The following KHK variants were observed in gnomAD, a reference collection of about 807,000 sequenced individuals.
KHK encodes fructokinase.
A neutral mutation model predicts 36.0 loss-of-function variants in KHK; 37 were observed. The ratio of observed to expected loss-of-function variants is 1.03; its 90% CI spans 0.79 to 1.35. The LOEUF is 1.35. Ranked by LOEUF, KHK falls within the 40% of genes most tolerant of loss-of-function variation. The pLI is 0.00. For synonymous variants in KHK, 161 were observed against 162.8 expected, an observed-to-expected ratio of 0.99 and a Z score of 0.08; for missense variants, 395 against 391.9, an observed-to-expected ratio of 1.01 and a Z score of -0.07.
chr2:27,087,506 C>T (rs1279856741), intron 1 of KHK, among the ~76,000 whole-genome samples, 155 bp downstream of exon 1: 1 of 152,236 alleles, frequency 6.6e-6, no homozygotes, highest in African/African-American at 2.4e-5. Flanking sequence ...TGGGGGGGCT[C>T]CCAGCATGAC....
intron 5 of KHK, among the ~76,000 whole-genome samples, chr2:27,098,353 C>G (rs1040389741): frequency 1.3e-5 from 2 of 151,734 alleles, no homozygotes; most frequent in Non-Finnish European, 2.9e-5. Flanking sequence ...AGACCCCTGT[C>G]TCTATGAAAA....
In KHK at chr2:27,100,447, T is replaced by C. The variant is rs1317919421; in HGVS notation, c.*697T>C. 1.5e-6 allele frequency: 2 copies of C among 1,291,016 alleles called. No homozygotes were observed. The highest frequency in any genetic ancestry group is 2.3e-5 in the Admixed American group (1 of 43,564). 80.0% of individuals were successfully genotyped at this position (1,291,016 alleles called of 1,614,324 possible). A position where few individuals can be genotyped will look rare whatever the true frequency, so the allele number is the denominator to read the frequency against. On this transcript the variant is annotated 3_prime_UTR_variant, in exon 8 of 8. Coordinates refer to ENST00000260598, the MANE Select transcript of KHK (RefSeq NM_006488.3). Reference sequence around the variant, plus strand: ...ATTAAGGGCGTGCCTCAGCCACAAATGTGACCCAGGATACAGAGTGTTGCT... The same window carrying C: ...ATTAAGGGCGTGCCTCAGCCACAAACGTGACCCAGGATACAGAGTGTTGCT...
chr2:27,096,559 T>C (rs1670365480), intron 3 of KHK, among the ~76,000 whole-genome samples, 170 bp from the exon 4 acceptor site: 2 of 152,156 alleles, frequency 1.3e-5, no homozygotes, highest in Admixed American at 6.5e-5. Flanking sequence ...CAGCAGACTG[T>C]AACAGGGACA....
chr2:27,095,650 T>G (rs1397114187), intron 3 of KHK, among the ~76,000 whole-genome samples: 1 of 152,202 alleles, frequency 6.6e-6, no homozygotes, highest in Non-Finnish European at 1.5e-5. Flanking sequence ...TTTAGAGGTT[T>G]AGTGTACTAA....
intron 1 of KHK, among the ~76,000 whole-genome samples, chr2:27,087,779 C>T (rs1669749702): frequency 1.3e-5 from 2 of 152,340 alleles, no homozygotes; most frequent in South Asian, 2.1e-4. Flanking sequence ...ATCCACATAT[C>T]TCGCACCTAT....
chr2:27,097,962 G>T lies in KHK; in HGVS notation c.564+313G>T, dbSNP rs576344830. ...TGTGTGGAAGCATCTCCTCTCTGGG[G>T]CTCCCCAGTCTTTTCCTCTGCAGAA... On this transcript the variant is annotated intron_variant, in intron 5 of 7. Transcript: ENST00000260598. Among the ~76,000 whole-genome samples, 328 of 152,248 alleles carry T rather than the reference G, an allele frequency of 2.2e-3. 1 individual carries two copies. In the South Asian group the frequency reaches 0.025, roughly 12 times the overall value.
intron 1 of KHK, among the ~76,000 whole-genome samples, chr2:27,089,593 G>C (rs1170784810): frequency 6.6e-6 from 1 of 152,206 alleles, no homozygotes; most frequent in Admixed American, 6.5e-5. Context: ...CACTGAGCGA[G>C]GCACTTCTCT....
Position 27,099,871 on chromosome 2 carries a change from A to G in KHK, c.*121A>G. 6.5e-7 allele frequency: 1 copy of G among 1,550,190 alleles called. No individual in the cohort carries two copies. Among genetic ancestry groups the G allele is most frequent in the South Asian group, 1.2e-5 (1 of 84,134 alleles). ...CAGGGGACAGATGCAAGCTGTGGGG[A>G]GGACTCTGCCTGTGTCCTGTGTTCC... On this transcript the variant is annotated 3_prime_UTR_variant, in exon 8 of 8. Transcript: ENST00000260598.
At chr2:27,094,644 T>C (rs1670223223) in intron 2 of KHK, 156 bp from the exon 3 acceptor site, 1 of 1,613,972 alleles carries the variant, frequency 6.2e-7, no homozygotes, top group South Asian at 1.1e-5. Flanking sequence ...TGCCAGCTGC[T>C]GCCGCCGCCA....
chr2:27,094,787 C>T lies in KHK; in HGVS notation c.210-13C>T. On this transcript the variant is annotated splice_polypyrimidine_tract_variant and intron_variant, in intron 2 of 7. Coordinates refer to ENST00000260598, the MANE Select transcript of KHK (RefSeq NM_006488.3). ...TCTCCTTGCCCTTTTCCTGGCCCGGCCTCCACCCTAAGCTTCCTGGTGGCC... is the reference window on the plus strand; with the variant it reads ...TCTCCTTGCCCTTTTCCTGGCCCGGTCTCCACCCTAAGCTTCCTGGTGGCC... The T allele has an allele frequency of 6.2e-7, 1 of 1,614,052 alleles. No homozygotes were observed. Among genetic ancestry groups the T allele is most frequent in the Non-Finnish European group, 8.5e-7 (1 of 1,180,036 alleles).
At chr2:27,091,609 T>G (rs1328576842) in intron 1 of KHK, among the ~76,000 whole-genome samples, 1 of 152,180 alleles carries the variant, frequency 6.6e-6, no homozygotes, top group African/African-American at 2.4e-5. Context: ...GGTAATAACA[T>G]TCATTAATGA....
At chr2:27,089,039 C>G (rs1572855979) in intron 1 of KHK, among the ~76,000 whole-genome samples, 1 of 152,292 alleles carries the variant, frequency 6.6e-6, no homozygotes, top group Non-Finnish European at 1.5e-5. Context: ...CTCCCAGCAG[C>G]CCATGGGAAC....
chr2:27,090,333 C>T (rs1669911290), intron 1 of KHK, among the ~76,000 whole-genome samples: 1 of 152,104 alleles, frequency 6.6e-6, no homozygotes, highest in African/African-American at 2.4e-5. Flanking sequence ...TCAGCTTTGT[C>T]CTTAACTATT....
At chr2:27,097,835 C>T (rs75156909) in intron 5 of KHK, among the ~76,000 whole-genome samples, 186 bp downstream of exon 5, 5,552 of 152,282 alleles carry the variant, frequency 0.036, 333 homozygotes, top group African/African-American at 0.13. Flanking sequence ...GTGCAGGCCT[C>T]AGCAGTGAGC....
intron 1 of KHK, 84 bp from the exon 2 acceptor site, chr2:27,092,248 G>A: frequency 1.9e-6 from 2 of 1,063,760 alleles, no homozygotes; most frequent in South Asian, 2.5e-5. Context: ...GTCCCCAGCT[G>A]TTACATTCTG....
At chr2:27,094,984 A>G in intron 3 of KHK, 50 bp downstream of exon 3, 5 of 1,608,622 alleles carry the variant, frequency 3.1e-6, no homozygotes, top group Non-Finnish European at 4.2e-6. Context: ...CAGTTGGCTC[A>G]ATCAGTTCCC....
intron 1 of KHK, among the ~76,000 whole-genome samples, chr2:27,090,143 C>T (rs907454976): frequency 1.4e-4 from 21 of 152,344 alleles, no homozygotes; most frequent in African/African-American, 3.6e-4. Flanking sequence ...TGAGCCACCG[C>T]GCCCAGCCTT....
Position 27,092,393 on chromosome 2 carries a change from C to T in KHK, c.154C>T (p.Leu52=), listed in dbSNP as rs1230742213. 9 of 1,613,574 alleles carry T rather than the reference C, an allele frequency of 5.6e-6. No homozygotes were observed. Among genetic ancestry groups the T allele is most frequent in the Non-Finnish European group, 7.6e-6 (9 of 1,180,030 alleles). Residue 52 remains leucine (L), a synonymous_variant, in exon 2 of 8, where the codon CTG becomes TTG. Coordinates refer to ENST00000260598, the MANE Select transcript of KHK (RefSeq NM_006488.3). ...NASNSCTVLS[L]LGAPCAFMGS... ...GTCCAACTCCTGCACCGTTCTCTCCCTGCTCGGAGCCCCCTGTGCCTTCAT... is the reference window on the plus strand; with the variant it reads ...GTCCAACTCCTGCACCGTTCTCTCCTTGCTCGGAGCCCCCTGTGCCTTCAT...
intron 1 of KHK, among the ~76,000 whole-genome samples, chr2:27,088,379 T>G (rs1669791358): frequency 6.6e-6 from 1 of 152,142 alleles, no homozygotes; most frequent in Non-Finnish European, 1.5e-5. Context: ...AGTACTGGGA[T>G]TACAGGCATG....
Sources: allele counts gnomAD v4.1 joint callset (sites outside exome capture counted in the v4.1 genomes callset), GRCh38; gene constraint gnomAD v4.1.1; transcripts MANE v1.5; gene names NCBI Gene and HGNC (gene_info 2026-07-23, HGNC 2026-07-21).